The following LMO7 variants were observed in gnomAD, a reference collection of about 807,000 sequenced individuals.
LMO7 encodes the protein LIM domain only protein 7.
A neutral mutation model predicts 206.5 loss-of-function variants in LMO7; 120 were observed. The ratio of observed to expected loss-of-function variants is 0.58; its 90% CI spans 0.50 to 0.68. The LOEUF is 0.68. LMO7 is among the 30% of genes least tolerant of loss of function. LMO7 has a pLI of 0.00. For missense variants in LMO7, 1,959 were observed against 1,957.9 expected (o/e 1.00, Z -0.01); for synonymous variants, 706 against 681.5 (o/e 1.04, Z -0.56).
chr13:75,671,944 G>C (rs2039620651), intron 1 of LMO7, among the ~76,000 whole-genome samples: 1 of 152,020 alleles, frequency 6.6e-6, no homozygotes, highest in Admixed American at 6.6e-5. Context: ...TCTTCAGAGG[G>C]CTTCTGAAGT....
At chr13:75,773,960 C>T (rs2050064656) in intron 4 of LMO7, among the ~76,000 whole-genome samples, 1 of 151,804 alleles carries the variant, frequency 6.6e-6, no homozygotes, top group Admixed American at 6.6e-5. Context: ...TTTGCCTATG[C>T]TTTCTTGCTG....
At chr13:75,713,706 A>T (rs916706320) in intron 2 of LMO7, among the ~76,000 whole-genome samples, 2 of 152,202 alleles carry the variant, frequency 1.3e-5, no homozygotes, top group Non-Finnish European at 2.9e-5. Flanking sequence ...TCATTACATT[A>T]CCAAAATCAA....
chr13:75,789,828 C>A (rs924335250), intron 4 of LMO7, among the ~76,000 whole-genome samples: 1 of 152,118 alleles, frequency 6.6e-6, no homozygotes, highest in East Asian at 1.9e-4. Context: ...TGGTGCACTG[C>A]GGTAAAACTA....
chr13:75,781,305 G>A (rs7990978), intron 4 of LMO7, among the ~76,000 whole-genome samples: 35,655 of 95,934 alleles, frequency 0.37, 6,903 homozygotes, highest in East Asian at 0.58. Context: ...AGTCCCCAGA[G>A]TGTGATGTTC....
At chr13:75,658,581 CT>C (rs2038269125) in intron 1 of LMO7, among the ~76,000 whole-genome samples, 1 of 151,812 alleles carries the variant, frequency 6.6e-6, no homozygotes, top group African/African-American at 2.4e-5. Context: ...TCAACTATAT[CT>C]TATTTTTATT....
At chr13:75,840,999 CT>C (rs2059518072) in intron 22 of LMO7, 109 bp from the exon 23 acceptor site, 1 of 676,812 alleles carries the variant, frequency 1.5e-6, no homozygotes, top group African/African-American at 1.8e-5. Context: ...AAATCATGGT[CT>C]TTAAAGGTTT....
At chr13:75,688,440 C>G (rs1397652325) in intron 1 of LMO7, 2 of 152,214 alleles carry the variant, frequency 1.3e-5, no homozygotes, top group Non-Finnish European at 2.9e-5. Context: ...GCTCCCGTAT[C>G]TATGCTTATT....
At chr13:75,725,460 A>G (rs1454277596) in intron 2 of LMO7, among the ~76,000 whole-genome samples, 1 of 152,156 alleles carries the variant, frequency 6.6e-6, no homozygotes, top group Non-Finnish European at 1.5e-5. Flanking sequence ...GTTCCTATTC[A>G]GTAATGCTAC....
intron 18 of LMO7, among the ~76,000 whole-genome samples, chr13:75,836,139 G>A (rs2059102566): frequency 6.6e-6 from 1 of 152,020 alleles, no homozygotes; most frequent in Non-Finnish European, 1.5e-5. Context: ...TTATCTAGCT[G>A]ATTTTATTTC....
intron 11 of LMO7, among the ~76,000 whole-genome samples, chr13:75,812,732 A>T (rs1359518591): frequency 1.3e-5 from 2 of 152,166 alleles, no homozygotes; most frequent in Non-Finnish European, 2.9e-5. Context: ...TGTTATTTTT[A>T]AAAAATTCTA....
At chr13:75,795,019 A>G (rs1018478342) in intron 4 of LMO7, among the ~76,000 whole-genome samples, 8 of 151,822 alleles carry the variant, frequency 5.3e-5, no homozygotes, top group Middle Eastern at 3.4e-3. Flanking sequence ...CCCATTTCCC[A>G]GTTCTTTTTT....
intron 1 of LMO7, among the ~76,000 whole-genome samples, chr13:75,666,537 T>C (rs2039086231): frequency 1.3e-5 from 2 of 152,172 alleles, no homozygotes; most frequent in Admixed American, 1.3e-4. Flanking sequence ...CATTGAGAAC[T>C]TACTGTATTC....
chr13:75,753,354 A>G (rs1388124613), intron 3 of LMO7, among the ~76,000 whole-genome samples: 1 of 152,150 alleles, frequency 6.6e-6, no homozygotes, highest in East Asian at 1.9e-4. Flanking sequence ...CTCCCATTCC[A>G]CAGGTGACCT....
At chr13:75,638,169 G>C (rs2036157286) in intron 1 of LMO7, among the ~76,000 whole-genome samples, 1 of 152,140 alleles carries the variant, frequency 6.6e-6, no homozygotes, top group African/African-American at 2.4e-5. Context: ...GAGACGTGGG[G>C]ACATGTTTTG....
chr13:75,638,571 AT>A (rs1369001334), intron 1 of LMO7, among the ~76,000 whole-genome samples: 2 of 151,974 alleles, frequency 1.3e-5, no homozygotes, highest in Non-Finnish European at 2.9e-5. Context: ...TGAAATTAAA[AT>A]TTTTTTTCAT....
chr13:75,858,118 T>C lies in LMO7; in HGVS notation c.*175T>C. The C allele has an allele frequency of 1.7e-6, 1 of 575,324 alleles. No homozygotes were observed. The highest frequency in any genetic ancestry group is 3.2e-5 in the East Asian group (1 of 31,098). 35.6% of individuals were successfully genotyped at this position (575,324 alleles called of 1,614,324 possible). On this transcript the variant is annotated 3_prime_UTR_variant, in exon 31 of 31. Coordinates refer to ENST00000377534, the MANE Select transcript of LMO7 (RefSeq NM_001306080.2). ...TTGTAGTCTTGGTAGAACCAGTATTTTTGTTGTTTATTTATAAGGTAATTG... is the reference window on the plus strand; with the variant it reads ...TTGTAGTCTTGGTAGAACCAGTATTCTTGTTGTTTATTTATAAGGTAATTG...
intron 2 of LMO7, chr13:75,628,193 C>G (rs1051298179): frequency 6.6e-6 from 1 of 152,274 alleles, no homozygotes; most frequent in Non-Finnish European, 1.5e-5. Context: ...AATTTAGGAC[C>G]CTTGCCTTTG....
intron 9 of LMO7, chr13:75,807,242 T>C (rs1024635070): frequency 2.1e-6 from 1 of 475,448 alleles, no homozygotes; most frequent in East Asian, 3.5e-5. Flanking sequence ...TGCCCAACTT[T>C]CCTGAGAAGT....
chr13:75,721,846 G>A lies in LMO7; in HGVS notation c.141-5183G>A, dbSNP rs147015921. Among the ~76,000 whole-genome samples, 425 of 152,268 alleles carry A rather than the reference G, an allele frequency of 2.8e-3. 1 individual carries two copies. Among genetic ancestry groups the A allele is most frequent in the African/African-American group, 9.9e-3 (410 of 41,558 alleles). On this transcript the variant is annotated intron_variant, in intron 2 of 30. Transcript: ENST00000377534. ...AGTCATTGTTTAAACAAAAATCATTGTTTAAAATAGGCACATAGACCAATA... is the reference window on the plus strand; with the variant it reads ...AGTCATTGTTTAAACAAAAATCATTATTTAAAATAGGCACATAGACCAATA...
Sources: allele counts gnomAD v4.1 joint callset (sites outside exome capture counted in the v4.1 genomes callset), GRCh38; gene constraint gnomAD v4.1.1; transcripts MANE v1.5; gene names NCBI Gene and HGNC (gene_info 2026-07-23, HGNC 2026-07-21).